Variants in FAM149A observed in about 807,000 individuals in gnomAD.
FAM149A encodes the protein family with sequence similarity 149 member A.
In FAM149A, 71 loss-of-function variants were observed where a neutral mutation model predicts 78.2. The observed-to-expected ratio is 0.91, with a 90% CI of 0.75 to 1.11. The LOEUF is 1.11. FAM149A is among the 50% of genes least tolerant of loss of function. FAM149A has a pLI of 0.00. For synonymous variants in FAM149A, 446 were observed against 410.5 expected (o/e 1.09, Z -1.04); for missense variants, 1,036 against 971.0 (o/e 1.07, Z -0.89).
intron 1 of FAM149A, chr4:186,146,573 C>T (rs756823508): frequency 2.1e-6 from 2 of 931,326 alleles, no homozygotes; most frequent in Non-Finnish European, 2.6e-6. Context: ...ATAAATTATT[C>T]ATTGAAACAA....
At chr4:186,145,170 G>C (rs1327592190) in intron 1 of FAM149A, 1 of 983,648 alleles carries the variant, frequency 1.0e-6, no homozygotes, top group Non-Finnish European at 1.2e-6. Context: ...CGATGTGCGC[G>C]GTGTTCTCCG....
At chr4:186,136,984 C>CTCTCTCTCTCTCTT (rs1561396454) in intron 1 of FAM149A, among the ~76,000 whole-genome samples, 6 of 120,758 alleles carry the variant, frequency 5.0e-5, no homozygotes, top group African/African-American at 1.9e-4. Context: ...CTTTCTCTCT[C>CTCTCTCTCTCTCTT]TCTCTCTCTC....
Position 186,164,484 on chromosome 4 carries a change from T to C in FAM149A, c.1889+851T>C, listed in dbSNP as rs1734861574. 1 of 985,150 alleles carries C rather than the reference T, an allele frequency of 1.0e-6. No homozygotes were observed. The highest frequency in any genetic ancestry group is 6.1e-5 in the Admixed American group (1 of 16,268). 61.0% of individuals were successfully genotyped at this position (985,150 alleles called of 1,614,324 possible). On this transcript the variant is annotated intron_variant, in intron 10 of 13. Transcript: ENST00000389354. This position sits in a 1 kb window ranked among gnomAD's most constrained non-coding sequence, Gnocchi z 4.0. ...GCCAACGCTTACCTGGCACCCAGAC[T>C]TTTTCCAGATGCAGTCATAACCCCC...
intron 1 of FAM149A, among the ~76,000 whole-genome samples, chr4:186,139,375 A>G (rs552928876): frequency 7.2e-5 from 11 of 152,276 alleles, no homozygotes; most frequent in Admixed American, 2.6e-4. Context: ...TCTCTCTCCA[A>G]TGAAATGGTA....
chr4:186,126,172 G>T, intron 1 of FAM149A: 1 of 868,800 alleles, frequency 1.2e-6, no homozygotes, highest in East Asian at 1.2e-4. Flanking sequence ...ATTACTAGGG[G>T]TACCTCGAGT....
intron 13 of FAM149A, chr4:186,170,030 A>G (rs1735395097): frequency 1.3e-6 from 1 of 776,052 alleles, no homozygotes. Context: ...GGGAGTGGGA[A>G]GGGTATGTCC....
Position 186,118,378 on chromosome 4 carries a change from G to A in FAM149A, c.566+12736G>A, listed in dbSNP as rs906439468. ...TCCATGAAGCGGTAAGTGCAGAAAGGGAGAATAAGCATTTAGAAATTTTAT... is the reference window on the plus strand; with the variant it reads ...TCCATGAAGCGGTAAGTGCAGAAAGAGAGAATAAGCATTTAGAAATTTTAT... On this transcript the variant is annotated intron_variant, in intron 1 of 13. Transcript: ENST00000389354. 1.4e-5 allele frequency: 4 copies of A among 279,848 alleles called. No individual in the cohort carries two copies. The Admixed American group carries it at 2.6e-4, about 18-fold the overall frequency. 17.3% of individuals were successfully genotyped at this position (279,848 alleles called of 1,614,324 possible). A position where few individuals can be genotyped will look rare whatever the true frequency, so the allele number is the denominator to read the frequency against.
chr4:186,138,909 G>A (rs2099324626), intron 1 of FAM149A, among the ~76,000 whole-genome samples: 1 of 152,122 alleles, frequency 6.6e-6, no homozygotes, highest in Non-Finnish European at 1.5e-5. Context: ...CTTCCATACT[G>A]CACTCTTGGA....
chr4:186,127,637 C>G, intron 1 of FAM149A: 3 of 985,410 alleles, frequency 3.0e-6, no homozygotes. Context: ...TTCAGACAAG[C>G]AAGAATAAGG....
rs568903002 is a variant in FAM149A at position 186,173,998 on chromosome 4, C to T, written c.*2011C>T. ...TGCATCATTACTGCTCAAAGCATGA[C>T]CCACTTGCTCTTTCAGATCCACTCA... On this transcript the variant is annotated 3_prime_UTR_variant, in exon 14 of 14. Coordinates refer to ENST00000389354, the MANE Select transcript of FAM149A (RefSeq NM_001367768.3). Among the ~76,000 whole-genome samples, 17 of 110,240 alleles carry T rather than the reference C, an allele frequency of 1.5e-4. 2 individuals carry two copies. The highest frequency in any genetic ancestry group is 4.8e-4 in the African/African-American group (17 of 35,220). The allele number at this position is 110,240 out of a possible 152,430, so 72.3% of individuals were successfully genotyped here.
Position 186,104,758 on chromosome 4 carries a change from G to A in FAM149A, c.-319G>A, listed in dbSNP as rs1672620391. On this transcript the variant is annotated 5_prime_UTR_variant, in exon 1 of 14. Transcript: ENST00000389354. Reference sequence around the variant, plus strand: ...GTAGCAACCGCGGGCGGCGGGCGGCGGGCGGCGGGCGTCTGGGGCGGGCGG... The same window carrying A: ...GTAGCAACCGCGGGCGGCGGGCGGCAGGCGGCGGGCGTCTGGGGCGGGCGG... 7.3e-6 allele frequency among the ~76,000 whole-genome samples: 1 copy of A among 137,764 alleles called. No homozygotes were observed. The highest frequency in any genetic ancestry group is 1.6e-5 in the Non-Finnish European group (1 of 60,974). 90.4% of individuals were successfully genotyped at this position (137,764 alleles called of 152,430 possible). A position where few individuals can be genotyped will look rare whatever the true frequency, so the allele number is the denominator to read the frequency against.
At chr4:186,119,187 C>A (rs1041711727) in intron 1 of FAM149A, among the ~76,000 whole-genome samples, 1 of 152,126 alleles carries the variant, frequency 6.6e-6, no homozygotes, top group Non-Finnish European at 1.5e-5. Flanking sequence ...TCAAAAATTA[C>A]CTCACATTTA....
chr4:186,105,490 C>CCGA lies in FAM149A; in HGVS notation c.414_415insCGA (p.Ala138_Ala139insArg). 8.3e-7 allele frequency: 1 copy of CCGA among 1,201,062 alleles called. No homozygotes were observed. The highest frequency in any genetic ancestry group is 1.5e-5 in the South Asian group (1 of 68,606). The allele number at this position is 1,201,062 out of a possible 1,614,324, so 74.4% of individuals were successfully genotyped here. A position where few individuals can be genotyped will look rare whatever the true frequency, so the allele number is the denominator to read the frequency against. ...CCTCGGGCCCCGGCGGGGTCTGGGCCGCGCTCCCCAGGAACCCGCTCCAGC... is the reference window on the plus strand; with the variant it reads ...CCTCGGGCCCCGGCGGGGTCTGGGCCCGAGCGCTCCCCAGGAACCCGCTCCAGC... On this transcript the variant is annotated inframe_insertion, in exon 1 of 14. Coordinates refer to ENST00000389354, the MANE Select transcript of FAM149A (RefSeq NM_001367768.3).
chr4:186,118,283 G>T (rs2099314557), intron 1 of FAM149A: 1 of 968,160 alleles, frequency 1.0e-6, no homozygotes, highest in Non-Finnish European at 1.2e-6. Flanking sequence ...TTCTCTGCTG[G>T]AACAGTGCTT....
At chr4:186,125,794 A>G in intron 1 of FAM149A, 1 of 985,386 alleles carries the variant, frequency 1.0e-6, no homozygotes, top group South Asian at 4.7e-5. Context: ...TGGGGCCATG[A>G]ATACCCAACC....
At chr4:186,159,162 C>T (rs1354301075) in intron 8 of FAM149A, among the ~76,000 whole-genome samples, 1 of 151,716 alleles carries the variant, frequency 6.6e-6, no homozygotes. Context: ...GTAGTTGAGG[C>T]GTTTTGAGGA....
chr4:186,116,907 A>G (rs1441199366), intron 1 of FAM149A: 2 of 223,866 alleles, frequency 8.9e-6, no homozygotes, highest in Non-Finnish European at 1.5e-5. Flanking sequence ...TTGCGTAATC[A>G]TAACAGCTCA....
Position 186,120,872 on chromosome 4 carries a change from G to A in FAM149A, c.566+15230G>A, listed in dbSNP as rs181237776. Among the ~76,000 whole-genome samples, 111 of 16,076 alleles carry A rather than the reference G, an allele frequency of 6.9e-3. 2 individuals carry two copies. The highest frequency in any genetic ancestry group is 0.071 in the Middle Eastern group (1 of 14). The allele number at this position is 16,076 out of a possible 152,430, so 10.5% of individuals were successfully genotyped here. A position where few individuals can be genotyped will look rare whatever the true frequency, so the allele number is the denominator to read the frequency against. ...TCTTTTTTTTTTTTTTTTTTCTTTT[G>A]AGACGGAGTCTCCCTCTGTTGTCCA... On this transcript the variant is annotated intron_variant, in intron 1 of 13. Coordinates refer to ENST00000389354, the MANE Select transcript of FAM149A (RefSeq NM_001367768.3).
chr4:186,171,894 C>A lies in FAM149A; in HGVS notation c.2219-20C>A. 1.3e-6 allele frequency: 2 copies of A among 1,596,970 alleles called. No individual in the cohort carries two copies. The highest frequency in any genetic ancestry group is 1.7e-6 in the Non-Finnish European group (2 of 1,172,334). On this transcript the variant is annotated intron_variant, in intron 13 of 13. Coordinates refer to ENST00000389354, the MANE Select transcript of FAM149A (RefSeq NM_001367768.3). ...TTTGTAACATTTTAATGAGAATTAC[C>A]TTTTGCTTGGTGTTTCCAGGTTCAC...
Sources: gnomAD v4.1 joint callset for allele counts (sites outside exome capture counted in the v4.1 genomes callset) on GRCh38, gnomAD v4.1.1 for gene constraint, Gnocchi (gnomAD v3.1) non-coding constraint, MANE v1.5 for transcripts, NCBI Gene and HGNC (gene_info 2026-07-23, HGNC 2026-07-21) for gene names.